The following MACROD2 variants were observed in gnomAD, a reference collection of about 807,000 sequenced individuals.
MACROD2 encodes the protein ADP-ribose glycohydrolase MACROD2.
MACROD2 carries 36 observed loss-of-function variants against 70.4 expected under a neutral mutation model. The observed-to-expected ratio is 0.51, with a 90% CI of 0.39 to 0.68. The LOEUF is 0.68. Among genes scored for constraint, MACROD2 ranks in the 30% least tolerant of loss-of-function variants. The pLI is 0.00. For missense variants in MACROD2, 496 were observed against 538.4 expected, an observed-to-expected ratio of 0.92 and a Z score of 0.78; for synonymous variants, 172 against 178.8, an observed-to-expected ratio of 0.96 and a Z score of 0.30.
At chr20:15,055,738 T>C (rs2075479576) in intron 5 of MACROD2, among the ~76,000 whole-genome samples, 1 of 151,838 alleles carries the variant, frequency 6.6e-6, no homozygotes. Context: ...ATGCAAGGGC[T>C]ACTGTCAGAA....
rs562560914 is a variant in MACROD2 at position 15,316,773 on chromosome 20, A to G, written c.540+86712A>G. On this transcript the variant is annotated intron_variant, in intron 6 of 17. Coordinates refer to ENST00000684519, the MANE Select transcript of MACROD2 (RefSeq NM_001351661.2). Reference sequence around the variant, plus strand: ...CTCAATTTCTTCTGGGCCTGTTTCCAGAATAGACCATACGGTAGGCCACAA... The same window carrying G: ...CTCAATTTCTTCTGGGCCTGTTTCCGGAATAGACCATACGGTAGGCCACAA... 3.0e-4 allele frequency among the ~76,000 whole-genome samples: 46 copies of G among 152,226 alleles called. No individual in the cohort carries two copies. In the South Asian group the frequency reaches 5.4e-3, roughly 18 times the overall value.
chr20:14,000,283 T>A (rs2052715630), intron 1 of MACROD2, among the ~76,000 whole-genome samples: 1 of 152,162 alleles, frequency 6.6e-6, no homozygotes, highest in South Asian at 2.1e-4. Flanking sequence ...TACCTTAAAC[T>A]CAATTTTTGT....
At chr20:14,216,667 G>T (rs200021967) in intron 3 of MACROD2, among the ~76,000 whole-genome samples, 12 of 151,920 alleles carry the variant, frequency 7.9e-5, no homozygotes, top group African/African-American at 2.9e-4. Context: ...TGTTTGTGTC[G>T]TCTATGATTT....
At chr20:15,159,101 G>A (rs763069968) in intron 5 of MACROD2, among the ~76,000 whole-genome samples, 4 of 152,034 alleles carry the variant, frequency 2.6e-5, no homozygotes, top group African/African-American at 7.2e-5. Flanking sequence ...TATTCAAACT[G>A]TACTTGTAAC....
intron 9 of MACROD2, among the ~76,000 whole-genome samples, chr20:15,881,084 A>T (rs995419711): frequency 6.6e-6 from 1 of 152,100 alleles, no homozygotes; most frequent in African/African-American, 2.4e-5. Flanking sequence ...GAGGGAAAAG[A>T]TTGCTAACCT....
At chr20:15,785,534 A>T (rs1044847066) in intron 8 of MACROD2, among the ~76,000 whole-genome samples, 2 of 152,164 alleles carry the variant, frequency 1.3e-5, no homozygotes, top group Admixed American at 6.5e-5. Flanking sequence ...ACAGAAAAAG[A>T]GGGTAAGTTT....
At chr20:15,704,617 G>T (rs2050506248) in intron 8 of MACROD2, among the ~76,000 whole-genome samples, 1 of 152,200 alleles carries the variant, frequency 6.6e-6, no homozygotes, top group African/African-American at 2.4e-5. Flanking sequence ...TATAAGGTGG[G>T]GTTGAGATGC....
intron 5 of MACROD2, among the ~76,000 whole-genome samples, chr20:14,719,015 C>T (rs1376633162): frequency 6.6e-6 from 1 of 152,002 alleles, no homozygotes; most frequent in Non-Finnish European, 1.5e-5. Context: ...GGGCAGATCA[C>T]GAGATCAAGA....
chr20:14,050,599 C>T (rs1481831398), intron 2 of MACROD2, among the ~76,000 whole-genome samples: 2 of 151,916 alleles, frequency 1.3e-5, no homozygotes, highest in Non-Finnish European at 2.9e-5. Flanking sequence ...ACCAACAGTG[C>T]AAAACAGAAA....
chr20:14,176,866 C>G (rs967269307), intron 3 of MACROD2, among the ~76,000 whole-genome samples: 1 of 152,058 alleles, frequency 6.6e-6, no homozygotes, highest in Non-Finnish European at 1.5e-5. Flanking sequence ...TCATCTGTTT[C>G]GATTATATAT....
intron 13 of MACROD2, among the ~76,000 whole-genome samples, chr20:15,984,462 AT>A (rs918506817): frequency 6.6e-6 from 1 of 152,068 alleles, no homozygotes; most frequent in African/African-American, 2.4e-5. Flanking sequence ...ATTATACAAC[AT>A]TTTTTGCATA....
chr20:14,213,331 G>A (rs1238255343), intron 3 of MACROD2, among the ~76,000 whole-genome samples: 3 of 105,944 alleles, frequency 2.8e-5, no homozygotes, highest in South Asian at 3.4e-4. Flanking sequence ...CTAGAGATGG[G>A]CCACATAGTT....
rs538030618 is a variant in MACROD2 at position 15,191,912 on chromosome 20, A to ATG, written c.419-38024_419-38023dup. Among the ~76,000 whole-genome samples, 179 of 81,892 alleles carry ATG rather than the reference A, an allele frequency of 2.2e-3. 1 individual carries two copies. The South Asian group carries it at 0.031, about 14-fold the overall frequency. The allele number at this position is 81,892 out of a possible 152,430, so 53.7% of individuals were successfully genotyped here. On this transcript the variant is annotated intron_variant, in intron 5 of 17. Coordinates refer to ENST00000684519, the MANE Select transcript of MACROD2 (RefSeq NM_001351661.2). Reference sequence around the variant, plus strand: ...ATCAAAAATTTAGAAAACTACACATATGTGTATATATATATATATAGAGAG... The same window carrying ATG: ...ATCAAAAATTTAGAAAACTACACATATGTGTGTATATATATATATATAGAGAG...
At chr20:14,064,726 G>T (rs897970073) in intron 2 of MACROD2, among the ~76,000 whole-genome samples, 16 of 152,118 alleles carry the variant, frequency 1.1e-4, no homozygotes, top group African/African-American at 3.4e-4. Context: ...GGTTAAATGG[G>T]TCAGTGATTT....
chr20:14,055,293 T>TG (rs773454657), intron 2 of MACROD2, among the ~76,000 whole-genome samples: 205 of 152,268 alleles, frequency 1.3e-3, no homozygotes, highest in Middle Eastern at 0.01. Flanking sequence ...TTCTTTTTTT[T>TG]GTGACTTGTT....
intron 6 of MACROD2, among the ~76,000 whole-genome samples, chr20:15,238,557 T>G (rs558981791): frequency 6.6e-6 from 1 of 152,206 alleles, no homozygotes; most frequent in East Asian, 1.9e-4. Context: ...TCTTTCAAAT[T>G]ATGTGTTCTT....
At chr20:14,721,121 G>A (rs117802218) in intron 5 of MACROD2, among the ~76,000 whole-genome samples, 5,194 of 151,664 alleles carry the variant, frequency 0.034, 123 homozygotes, top group Non-Finnish European at 0.05. Flanking sequence ...TAGGCATGGC[G>A]TTGGGCGCCT....
intron 4 of MACROD2, among the ~76,000 whole-genome samples, chr20:14,537,212 C>T (rs1441329833): frequency 1.3e-5 from 2 of 152,162 alleles, no homozygotes; most frequent in Non-Finnish European, 2.9e-5. Context: ...AGTTAGGATT[C>T]TTCCAAAAGC....
chr20:15,775,704 G>A (rs982728233), intron 8 of MACROD2, among the ~76,000 whole-genome samples: 6 of 152,172 alleles, frequency 3.9e-5, no homozygotes, highest in African/African-American at 9.6e-5. Context: ...GGACATTTTC[G>A]GGGCGAGGGG....
Sources: allele counts gnomAD v4.1 joint callset (sites outside exome capture counted in the v4.1 genomes callset), GRCh38; gene constraint gnomAD v4.1.1; transcripts MANE v1.5; gene names NCBI Gene and HGNC (gene_info 2026-07-23, HGNC 2026-07-21).